BNIPL: variants seen among roughly 807,000 people sequenced by gnomAD.
BNIPL encodes bcl-2/adenovirus E1B 19 kDa-interacting protein 2-like protein.
In BNIPL, 33 loss-of-function variants were observed where a neutral mutation model predicts 47.0. The ratio of observed to expected loss-of-function variants is 0.70; its 90% CI spans 0.53 to 0.94. BNIPL has a LOEUF of 0.94. Among genes scored for constraint, BNIPL ranks in the 40% least tolerant of loss-of-function variants. The probability of loss-of-function intolerance (pLI) is 0.00; values close to 1 mark genes in which losing one functional copy is unlikely to be tolerated. For missense variants in BNIPL, 404 were observed against 445.2 expected (o/e 0.91, Z 0.83); for synonymous variants, 145 against 162.7 (o/e 0.89, Z 0.83).
In BNIPL at chr1:151,037,632, A is replaced by G; in HGVS notation, c.107A>G (p.Lys36Arg). Residue 36 changes from lysine (K) to arginine (R), a missense_variant, in exon 2 of 10, where the codon AAG becomes AGG. Coordinates refer to ENST00000368931, the MANE Select transcript of BNIPL (RefSeq NM_138278.4). ...CTGAGACATGGGGAGTTGGAGCTGA[A>G]GGAGGAATGGCAGGATGAAGAATTC... ...AALRHGELEL[K>R]EEWQDEEFPR... The G allele has an allele frequency of 6.2e-7, 1 of 1,604,814 alleles. No homozygotes were observed. The highest frequency in any genetic ancestry group is 8.5e-7 in the Non-Finnish European group (1 of 1,175,410).
At chr1:151,039,865 C>G (rs959417864) in intron 4 of BNIPL, among the ~76,000 whole-genome samples, 1 of 152,136 alleles carries the variant, frequency 6.6e-6, no homozygotes, top group Non-Finnish European at 1.5e-5. Flanking sequence ...ATTCTTGTTC[C>G]TCAGCCTCCT....
rs1675612965 is a variant in BNIPL at position 151,036,784 on chromosome 1, T to C, written c.41+18T>C. On this transcript the variant is annotated intron_variant, in intron 1 of 9. Transcript: ENST00000368931. ...GATGTTGGGTAAGTAAGATCTTGGC[T>C]CACTTGATTGGTAACAGTGAATAAA... The C allele has an allele frequency of 6.3e-7, 1 of 1,599,004 alleles. No homozygotes were observed.
chr1:151,037,027 C>G (rs956864360), intron 1 of BNIPL, among the ~76,000 whole-genome samples: 1 of 152,110 alleles, frequency 6.6e-6, no homozygotes, highest in African/African-American at 2.4e-5. Context: ...GATAAATCTG[C>G]CTGTGTTCTT....
chr1:151,038,023 A>AAAAAAAAAC (rs1558098438), intron 2 of BNIPL, among the ~76,000 whole-genome samples: 4 of 147,090 alleles, frequency 2.7e-5, no homozygotes, highest in African/African-American at 9.9e-5. Context: ...AAAAAAAAAA[A>AAAAAAAAAC]AAAAAAGCAA....
rs1675911610 is a variant in BNIPL, at chr1:151,043,670, G to A, written c.794G>A (p.Arg265Lys). 1 of 1,613,682 alleles carries A rather than the reference G, an allele frequency of 6.2e-7. No homozygotes were observed. The highest frequency in any genetic ancestry group is 1.1e-5 in the South Asian group (1 of 91,084). Residue 265 changes from arginine (R) to lysine (K), a missense_variant, in exon 7 of 10, where the codon AGG becomes AAG. By Grantham distance (26) the Arg-to-Lys change is conservative (BLOSUM62 2). Coordinates refer to ENST00000368931, the MANE Select transcript of BNIPL (RefSeq NM_138278.4). ...GTTCATTTGAGTGGAGGCACAAGCA[G>A]GGCCCAAGTTCCACCTCTAAGCTGG... ...LLVHLSGGTS[R>K]AQVPPLSWIR... is the part of the protein sequence containing the mutation.
At position 151,036,739 on chromosome 1, in the gene BNIPL, A is replaced by G; in HGVS notation, c.14A>G (p.Gln5Arg). The G allele has an allele frequency of 6.2e-7, 1 of 1,611,840 alleles. No homozygotes were observed. The highest frequency in any genetic ancestry group is 8.5e-7 in the Non-Finnish European group (1 of 1,177,958). Reference sequence around the variant, plus strand: ...AGACTTGTGAAGATGGGAACTATACAAGAGGCAGGAAAAAAGACAGATGTT... The same window carrying G: ...AGACTTGTGAAGATGGGAACTATACGAGAGGCAGGAAAAAAGACAGATGTT... The part of the protein sequence containing the change: MGTI[Q>R]EAGKKTDVGV... The change falls in exon 1 of 10, where the codon CAA becomes CGA. Residue 5 changes from glutamine (Q) to arginine (R), a missense_variant. Transcript: ENST00000368931.
Position 151,047,463 on chromosome 1 carries a change from T to C in BNIPL, c.*776T>C. The C allele has an allele frequency of 5.2e-6, 1 of 191,866 alleles. No homozygotes were observed. The highest frequency in any genetic ancestry group is 1.4e-4 in the East Asian group (1 of 7,092). 11.9% of individuals were successfully genotyped at this position (191,866 alleles called of 1,614,324 possible). On this transcript the variant is annotated 3_prime_UTR_variant, in exon 10 of 10. Coordinates refer to ENST00000368931, the MANE Select transcript of BNIPL (RefSeq NM_138278.4). ...ATCTTGAAGAACCGCTGTATGCCCT[T>C]TTTCCTTCTAAGTCATGTCTGCTGC...
intron 1 of BNIPL, chr1:151,037,318 G>A (rs1675646041): frequency 2.6e-6 from 3 of 1,170,314 alleles, no homozygotes; most frequent in Non-Finnish European, 2.1e-6. Flanking sequence ...TTTGTAGGTG[G>A]AGCAACTGCT....
rs868028151 is a variant in BNIPL, at chr1:151,044,108, C to T, written c.851+381C>T. On this transcript the variant is annotated intron_variant, in intron 7 of 9. Coordinates refer to ENST00000368931, the MANE Select transcript of BNIPL (RefSeq NM_138278.4). Reference sequence around the variant, plus strand: ...CAAGCGATCCTCCCACCTCAGCCTCCCAAGTAGCTGGGACTACAGGCATGG... The same window carrying T: ...CAAGCGATCCTCCCACCTCAGCCTCTCAAGTAGCTGGGACTACAGGCATGG... 2.6e-5 allele frequency among the ~76,000 whole-genome samples: 4 copies of T among 152,220 alleles called. No homozygotes were observed. The South Asian group carries it at 8.3e-4, about 32-fold the overall frequency.
intron 7 of BNIPL, chr1:151,044,747 GC>G: frequency 8.5e-7 from 1 of 1,176,130 alleles, no homozygotes. Context: ...GAGCCACTGT[GC>G]CTGGCCCTGT....
intron 2 of BNIPL, 196 bp from the exon 3 acceptor site, chr1:151,038,308 A>T (rs981239929): frequency 1.7e-6 from 1 of 594,982 alleles, no homozygotes; most frequent in African/African-American, 1.9e-5. Context: ...CTGGAGGTAG[A>T]GGCTGCAGTG....
intron 3 of BNIPL, 77 bp downstream of exon 3, chr1:151,038,645 A>G (rs1263487863): frequency 6.3e-7 from 1 of 1,588,156 alleles, no homozygotes; most frequent in Non-Finnish European, 8.6e-7. Flanking sequence ...ATCCTTTTAC[A>G]GTTCCATTTC....
intron 2 of BNIPL, 164 bp from the exon 3 acceptor site, chr1:151,038,340 T>C (rs754559010): frequency 7.1e-4 from 444 of 624,250 alleles, no homozygotes; most frequent in Non-Finnish European, 1.0e-3. Context: ...TGCCACTGCA[T>C]TCCAGCCTGG....
intron 1 of BNIPL, among the ~76,000 whole-genome samples, 166 bp downstream of exon 1, chr1:151,036,932 C>G (rs2102957069): frequency 6.6e-6 from 1 of 152,244 alleles, no homozygotes; most frequent in East Asian, 1.9e-4. Flanking sequence ...TAGGAAATGT[C>G]AGTATGGTAT....
At position 151,037,574 on chromosome 1, in the gene BNIPL, G is replaced by A. The variant is rs1675657421; in HGVS notation, c.49G>A (p.Glu17Lys). Residue 17 changes from glutamate to lysine, a missense_variant, in exon 2 of 10, where the codon GAG (glutamate) becomes AAG (lysine). Physicochemically the swap from Glu to Lys is moderately conservative, Grantham distance 56. Coordinates refer to ENST00000368931, the MANE Select transcript of BNIPL (RefSeq NM_138278.4). ...AGKKTDVGVR[E>K]IAEAPELGAA... is the part of the protein sequence containing the mutation. ...TCTTGGGGGCTGTCTTAGGGTCAGG[G>A]AGATTGCAGAAGCACCAGAACTAGG... 1.2e-6 allele frequency: 2 copies of A among 1,605,286 alleles called. No individual in the cohort carries two copies.
chr1:151,036,824 T>C, intron 1 of BNIPL, 58 bp downstream of exon 1: 1 of 1,503,418 alleles, frequency 6.7e-7, no homozygotes, highest in Non-Finnish European at 9.3e-7. Context: ...CCGGAGAGAC[T>C]TCCCCACCAC....
rs937185894 is a variant in BNIPL, at chr1:151,036,858, C to T, written c.41+92C>T. ...ACCCAGCTCTTACTGGGTCAAATCT[C>T]GGGTTCCTCAAGGAGACAAGACTGT... On this transcript the variant is annotated intron_variant, in intron 1 of 9. Transcript: ENST00000368931. 9 of 1,323,046 alleles carry T rather than the reference C, an allele frequency of 6.8e-6. No homozygotes were observed. In the Admixed American group the frequency reaches 6.8e-5, roughly 10 times the overall value. The allele number at this position is 1,323,046 out of a possible 1,614,324, so 82.0% of individuals were successfully genotyped here. A position where few individuals can be genotyped will look rare whatever the true frequency, so the allele number is the denominator to read the frequency against.
chr1:151,041,598 C>G (rs1197866344), intron 4 of BNIPL, among the ~76,000 whole-genome samples: 1 of 152,058 alleles, frequency 6.6e-6, no homozygotes, highest in Admixed American at 6.6e-5. Context: ...GTCCCTGTCT[C>G]TAAAAGAAAA....
intron 2 of BNIPL, 133 bp downstream of exon 2, chr1:151,037,795 G>A: frequency 1.5e-6 from 1 of 651,460 alleles, no homozygotes. Context: ...GAGGTCAGGA[G>A]TTTGAGACCA....
Sources: allele counts gnomAD v4.1 joint callset (sites outside exome capture counted in the v4.1 genomes callset), GRCh38; gene constraint gnomAD v4.1.1; transcripts MANE v1.5; gene names NCBI Gene and HGNC (gene_info 2026-07-23, HGNC 2026-07-21).